EML4: variants seen among roughly 807,000 people sequenced by gnomAD.
The protein encoded by EML4 is EMAP like 4.
Under a neutral mutation model 129.0 loss-of-function variants are expected in EML4, and 72 were observed. The ratio of observed to expected loss-of-function variants is 0.56; its 90% confidence interval spans 0.46 to 0.68. The LOEUF is 0.68. EML4 is among the 30% of genes least tolerant of loss of function. The probability of loss-of-function intolerance (pLI) is 0.00; values close to 1 mark genes in which losing one functional copy is unlikely to be tolerated. For synonymous variants in EML4, 532 were observed against 405.0 expected (o/e 1.31, Z -3.77); for missense variants, 1,363 against 1,190.6 (o/e 1.14, Z -2.13).
chr2:42,313,262 A>G (rs1411567709), intron 17 of EML4, among the ~76,000 whole-genome samples: 2 of 152,118 alleles, frequency 1.3e-5, no homozygotes, highest in East Asian at 1.9e-4. Context: ...GGCTAAACCA[A>G]TGTATATCTT....
chr2:42,260,586 C>T (rs1303101445), intron 3 of EML4, among the ~76,000 whole-genome samples: 1 of 152,116 alleles, frequency 6.6e-6, no homozygotes, highest in Non-Finnish European at 1.5e-5. Context: ...AATTGCAATT[C>T]TCTTTGTATT....
chr2:42,178,332 C>G (rs1340925755), intron 1 of EML4, among the ~76,000 whole-genome samples: 1 of 151,708 alleles, frequency 6.6e-6, no homozygotes. Context: ...CACTTGAGGC[C>G]TGGAGTTCAA....
intron 6 of EML4, among the ~76,000 whole-genome samples, chr2:42,269,477 A>G (rs963097757): frequency 3.3e-5 from 5 of 152,180 alleles, no homozygotes; most frequent in Non-Finnish European, 7.4e-5. Context: ...TACAGTGTTG[A>G]ACTGTGTGGA....
At chr2:42,302,821 A>C (rs761119694) in intron 14 of EML4, among the ~76,000 whole-genome samples, 1 of 152,218 alleles carries the variant, frequency 6.6e-6, no homozygotes, top group African/African-American at 2.4e-5. Context: ...GGTGTGAGCC[A>C]CCATGCCCAG....
At chr2:42,214,527 C>A (rs1271505132) in intron 1 of EML4, among the ~76,000 whole-genome samples, 1 of 151,512 alleles carries the variant, frequency 6.6e-6, no homozygotes, top group African/African-American at 2.4e-5. Flanking sequence ...ATTAATATAC[C>A]CTTATTGATC....
chr2:42,194,457 GC>G (rs1226216817), intron 1 of EML4, among the ~76,000 whole-genome samples: 12 of 147,324 alleles, frequency 8.1e-5, no homozygotes, highest in Non-Finnish European at 1.8e-4. Flanking sequence ...ATTGTGGCTT[GC>G]CTGGTTACTT....
intron 11 of EML4, among the ~76,000 whole-genome samples, chr2:42,292,381 A>G (rs1195074599): frequency 6.6e-6 from 1 of 152,244 alleles, no homozygotes; most frequent in Non-Finnish European, 1.5e-5. Flanking sequence ...GCCCATCAGC[A>G]GGAGAATGGT....
At chr2:42,175,418 TG>T (rs1670544747) in intron 1 of EML4, among the ~76,000 whole-genome samples, 1 of 151,908 alleles carries the variant, frequency 6.6e-6, no homozygotes, top group East Asian at 1.9e-4. Flanking sequence ...TGGCCAAGAG[TG>T]TGTTATTTTT....
intron 1 of EML4, among the ~76,000 whole-genome samples, chr2:42,234,983 C>G (rs950209147): frequency 5.6e-4 from 86 of 152,214 alleles, no homozygotes; most frequent in African/African-American, 2.0e-3. Context: ...GTGGCGAAAC[C>G]CCATCTCTAC....
At chr2:42,281,559 A>C (rs1667011894) in intron 7 of EML4, among the ~76,000 whole-genome samples, 1 of 152,172 alleles carries the variant, frequency 6.6e-6, no homozygotes, top group Non-Finnish European at 1.5e-5. Context: ...CTAGTGTTTG[A>C]GTTTTGGCCC....
chr2:42,208,388 C>T lies in EML4; in HGVS notation c.26-37117C>T, dbSNP rs1283864662. Among the ~76,000 whole-genome samples the T allele has an allele frequency of 9.4e-5, 14 of 149,706 alleles. 1 individual carries two copies. The highest frequency in any genetic ancestry group is 6.7e-4 in the Admixed American group (10 of 15,012). ...ATTTTTATTTTATGTTAAATGTTTTCTTTACAATAGATTTATTTTAGAAAC... is the reference window on the plus strand; with the variant it reads ...ATTTTTATTTTATGTTAAATGTTTTTTTTACAATAGATTTATTTTAGAAAC... On this transcript the variant is annotated intron_variant, in intron 1 of 22. Coordinates refer to ENST00000318522, the MANE Select transcript of EML4 (RefSeq NM_019063.5).
intron 16 of EML4, among the ~76,000 whole-genome samples, chr2:42,303,938 TAGA>T (rs532877432): frequency 4.6e-5 from 7 of 152,050 alleles, no homozygotes; most frequent in Non-Finnish European, 8.8e-5. Flanking sequence ...AAATAAAAAA[TAGA>T]AGAAGTAAGT....
chr2:42,186,184 A>G (rs1459623623), intron 1 of EML4, among the ~76,000 whole-genome samples: 4 of 152,134 alleles, frequency 2.6e-5, no homozygotes, highest in Non-Finnish European at 4.4e-5. Flanking sequence ...CTATTTTCCA[A>G]ATAGCTTATA....
chr2:42,187,653 T>A lies in EML4; in HGVS notation c.25+18017T>A, dbSNP rs2719131. 7.2e-5 allele frequency among the ~76,000 whole-genome samples: 11 copies of A among 151,834 alleles called. No homozygotes were observed. The South Asian group carries it at 2.1e-3, about 29-fold the overall frequency. On this transcript the variant is annotated intron_variant, in intron 1 of 22. Coordinates refer to ENST00000318522, the MANE Select transcript of EML4 (RefSeq NM_019063.5). Reference sequence around the variant, plus strand: ...ATCTGTTTTCTTTCTCTATGAATTCTCCTATTTGGTGCTCATTTTTTTTAA... The same window carrying A: ...ATCTGTTTTCTTTCTCTATGAATTCACCTATTTGGTGCTCATTTTTTTTAA...
In EML4 at chr2:42,273,546, A is replaced by G. The variant is rs79312194; in HGVS notation, c.668-7304A>G. Among the ~76,000 whole-genome samples the G allele has an allele frequency of 4.3e-3, 648 of 152,314 alleles. 4 individuals are homozygous for G. Among genetic ancestry groups the G allele is most frequent in the Non-Finnish European group, 6.2e-3 (424 of 68,014 alleles). Reference sequence around the variant, plus strand: ...TGCACAAGACATGGTTATGTCTCCAATCTAAGCTCTTAAGAGGTTAGGTTC... The same window carrying G: ...TGCACAAGACATGGTTATGTCTCCAGTCTAAGCTCTTAAGAGGTTAGGTTC... On this transcript the variant is annotated intron_variant, in intron 6 of 22. Transcript: ENST00000318522.
chr2:42,252,891 C>A (rs536289751), intron 2 of EML4, among the ~76,000 whole-genome samples: 9 of 152,230 alleles, frequency 5.9e-5, no homozygotes, highest in Middle Eastern at 6.8e-3. Flanking sequence ...CCATTGATAT[C>A]TCTCTGTTAC....
chr2:42,314,047 G>C (rs1479791566), intron 17 of EML4, among the ~76,000 whole-genome samples: 1 of 151,662 alleles, frequency 6.6e-6, no homozygotes, highest in Non-Finnish European at 1.5e-5. Flanking sequence ...GGTAGGAGCA[G>C]GTAAAAAATA....
At chr2:42,315,903 C>G (rs1669220060) in intron 17 of EML4, 59 bp from the exon 18 acceptor site, 3 of 1,268,370 alleles carry the variant, frequency 2.4e-6, no homozygotes, top group African/African-American at 3.0e-5. Context: ...AAAAGAACAA[C>G]TTTTTTTTTC....
intron 1 of EML4, among the ~76,000 whole-genome samples, chr2:42,222,472 A>G (rs1183346322): frequency 6.6e-6 from 1 of 152,192 alleles, no homozygotes; most frequent in Non-Finnish European, 1.5e-5. Flanking sequence ...GAACATAGCC[A>G]TACACATTTG....
Sources: gnomAD v4.1 joint callset for allele counts (sites outside exome capture counted in the v4.1 genomes callset) on GRCh38, gnomAD v4.1.1 for gene constraint, MANE v1.5 for transcripts, NCBI Gene and HGNC (gene_info 2026-07-23, HGNC 2026-07-21) for gene names.